Variants in SOBP observed in about 807,000 individuals in gnomAD.
SOBP encodes sine oculis-binding protein homolog.
SOBP carries 4 observed loss-of-function variants against 53.6 expected under a neutral mutation model. The ratio of observed to expected loss-of-function variants is 0.07; its 90% CI spans 0.04 to 0.17. The LOEUF (loss-of-function observed/expected upper bound fraction) is 0.17. Among genes scored for constraint, SOBP ranks in the 10% least tolerant of loss-of-function variants. SOBP has a pLI of 1.00. For missense variants in SOBP, 1,088 were observed against 1,204.7 expected, an observed-to-expected ratio of 0.90 and a Z score of 1.43; for synonymous variants, 584 against 522.6, an observed-to-expected ratio of 1.12 and a Z score of -1.60.
intron 6 of SOBP, among the ~76,000 whole-genome samples, chr6:107,641,609 A>T (rs1438463692): frequency 1.3e-5 from 2 of 152,096 alleles, no homozygotes; most frequent in African/African-American, 4.8e-5. Flanking sequence ...GAGAGACTGC[A>T]CTTGGAAAGA....
intron 5 of SOBP, among the ~76,000 whole-genome samples, chr6:107,587,715 G>A (rs141155681): frequency 2.0e-5 from 3 of 152,298 alleles, no homozygotes; most frequent in South Asian, 2.1e-4. Context: ...TTTACAAGTC[G>A]TGAGAGGGAG....
chr6:107,574,727 A>G (rs1051096925), intron 4 of SOBP, among the ~76,000 whole-genome samples: 4 of 152,050 alleles, frequency 2.6e-5, no homozygotes, highest in Non-Finnish European at 4.4e-5. Context: ...CCAAGTCCAG[A>G]ACACATGGAG....
rs1365175355 is a variant in SOBP at position 107,503,720 on chromosome 6, A to G, written c.160A>G (p.Lys54Glu). 6.2e-7 allele frequency: 1 copy of G among 1,614,102 alleles called. No individual in the cohort carries two copies. ...GWYGYDKVEL[K>E]DGEDIEFRSY... ...GTATGGCTATGATAAGGTTGAATTA[A>G]AAGATGGTGAGGATATTGAATTCAG... Residue 54 changes from lysine (K) to glutamate (E), a missense_variant, in exon 2 of 7, where the codon AAA becomes GAA. By Grantham distance (56) the Lys-to-Glu change is moderately conservative. Transcript: ENST00000317357.
At chr6:107,512,517 C>G (rs1042395854) in intron 3 of SOBP, among the ~76,000 whole-genome samples, 1 of 152,148 alleles carries the variant, frequency 6.6e-6, no homozygotes. Flanking sequence ...TGACAAAGGC[C>G]TTATAATGGT....
rs192282068 is a variant in SOBP at position 107,532,825 on chromosome 6, G to T, written c.422-634G>T. Among the ~76,000 whole-genome samples the T allele has an allele frequency of 2.1e-3, 318 of 152,310 alleles. 1 individual carries two copies. The highest frequency in any genetic ancestry group is 7.1e-3 in the African/African-American group (297 of 41,558). On this transcript the variant is annotated intron_variant, in intron 3 of 6. Transcript: ENST00000317357. ...TCCCTTAGGACACCAGTGCCGGAAGGCTGCATTGTCAGAGTCTGTTCAGCG... is the reference window on the plus strand; with the variant it reads ...TCCCTTAGGACACCAGTGCCGGAAGTCTGCATTGTCAGAGTCTGTTCAGCG...
chr6:107,646,099 T>C (rs1771544152), intron 6 of SOBP, among the ~76,000 whole-genome samples: 1 of 152,234 alleles, frequency 6.6e-6, no homozygotes, highest in Admixed American at 6.5e-5. Flanking sequence ...CTTTGTAGAC[T>C]GAAAGACTGA....
intron 5 of SOBP, among the ~76,000 whole-genome samples, chr6:107,616,083 G>GT (rs1491256784): frequency 4.2e-5 from 4 of 95,340 alleles, no homozygotes; most frequent in African/African-American, 2.2e-4. Context: ...AGGAAGGGGG[G>GT]TGGGGGGGGG....
At chr6:107,616,091 G>A (rs1469855024) in intron 5 of SOBP, among the ~76,000 whole-genome samples, 1 of 126,582 alleles carries the variant, frequency 7.9e-6, no homozygotes, top group South Asian at 3.1e-4. Context: ...GGGTGGGGGG[G>A]GGGCGGGGGG....
Position 107,533,550 on chromosome 6 carries a change from A to G in SOBP, c.513A>G (p.Lys171=), listed in dbSNP as rs1783905363. 3 of 1,614,124 alleles carry G rather than the reference A, an allele frequency of 1.9e-6. No homozygotes were observed. Among genetic ancestry groups the G allele is most frequent in the African/African-American group, 1.3e-5 (1 of 75,008 alleles). Residue 171 remains lysine, a synonymous_variant, in exon 4 of 7, where the codon AAA becomes AAG. Transcript: ENST00000317357. ...CCCTGAGTATGGGAAGTGAGGTGAA[A>G]AGCTTCTGCAGCGAGAAGTGCTTTG... ...RYSLSMGSEV[K]SFCSEKCFAA...
chr6:107,595,650 C>A (rs1238214090), intron 5 of SOBP, among the ~76,000 whole-genome samples: 1 of 152,038 alleles, frequency 6.6e-6, no homozygotes, highest in South Asian at 2.1e-4. Context: ...TATTAAAATG[C>A]ACCAGTAACC....
At chr6:107,492,729 A>G (rs1782609935) in intron 1 of SOBP, among the ~76,000 whole-genome samples, 2 of 152,180 alleles carry the variant, frequency 1.3e-5, no homozygotes, top group South Asian at 2.1e-4. Flanking sequence ...TTAAAATATT[A>G]TTTTCCTTCC....
chr6:107,506,490 G>A, intron 3 of SOBP, 63 bp downstream of exon 3: 1 of 1,571,206 alleles, frequency 6.4e-7, no homozygotes, highest in South Asian at 1.1e-5. Flanking sequence ...ACCATCTTAG[G>A]AATAATTATT....
chr6:107,542,016 G>A (rs1784162084), intron 4 of SOBP, among the ~76,000 whole-genome samples: 1 of 152,012 alleles, frequency 6.6e-6, no homozygotes, highest in Non-Finnish European at 1.5e-5. Context: ...GCATGTTTTA[G>A]TCTTGGTGGG....
intron 6 of SOBP, among the ~76,000 whole-genome samples, chr6:107,654,636 A>T (rs973172077): frequency 7.3e-6 from 1 of 136,616 alleles, no homozygotes; most frequent in Non-Finnish European, 1.5e-5. Flanking sequence ...GAAATGGAAG[A>T]CTTAATACTG....
chr6:107,550,503 A>G (rs1784432498), intron 4 of SOBP, among the ~76,000 whole-genome samples: 1 of 152,212 alleles, frequency 6.6e-6, no homozygotes, highest in Non-Finnish European at 1.5e-5. Context: ...TACAAAGATA[A>G]ATAAAGAGAG....
intron 3 of SOBP, chr6:107,510,718 G>A (rs1044497673): frequency 6.6e-6 from 1 of 152,202 alleles, no homozygotes; most frequent in African/African-American, 2.4e-5. Flanking sequence ...TAATTGGGTT[G>A]AGATATGCTA....
chr6:107,529,606 G>C (rs1212330990), intron 3 of SOBP: 1 of 985,262 alleles, frequency 1.0e-6, no homozygotes, highest in Non-Finnish European at 1.2e-6. Flanking sequence ...TTTGGGCACT[G>C]GTCAGGTAAG....
At chr6:107,521,947 CACACACACACACAAACTCAA>C (rs978410553) in intron 3 of SOBP, among the ~76,000 whole-genome samples, 3 of 96,396 alleles carry the variant, frequency 3.1e-5, no homozygotes, top group South Asian at 3.3e-4. Context: ...CACACACACA[CACACACACACACAAACTCAA>C]TCAAGTCTGA....
At chr6:107,501,671 G>A (rs368806195) in intron 1 of SOBP, among the ~76,000 whole-genome samples, 11 of 152,088 alleles carry the variant, frequency 7.2e-5, no homozygotes, top group South Asian at 2.1e-4. Context: ...CTCTATTTGT[G>A]TGCCTAGGGA....
Sources: gnomAD v4.1 joint callset for allele counts (sites outside exome capture counted in the v4.1 genomes callset) on GRCh38, gnomAD v4.1.1 for gene constraint, MANE v1.5 for transcripts, NCBI Gene and HGNC (gene_info 2026-07-23, HGNC 2026-07-21) for gene names.